Variants in CACNA1E observed in about 807,000 individuals in gnomAD.
CACNA1E encodes the protein voltage-dependent R-type calcium channel subunit alpha-1E.
A neutral mutation model predicts 259.2 loss-of-function variants in CACNA1E; 40 were observed. That is an observed-to-expected ratio of 0.15 (90% CI 0.12 to 0.20). The LOEUF is 0.20. CACNA1E is among the 10% of genes least tolerant of loss of function. The pLI, the probability that CACNA1E is intolerant of heterozygous loss-of-function variation, is 1.00. For missense variants in CACNA1E, 1,874 were observed against 3,040.1 expected (o/e 0.62, Z 9.02); for synonymous variants, 1,104 against 1,138.5 (o/e 0.97, Z 0.61).
intron 7 of CACNA1E, among the ~76,000 whole-genome samples, chr1:181,694,236 G>A (rs1204501899): frequency 6.6e-6 from 1 of 152,188 alleles, no homozygotes; most frequent in African/African-American, 2.4e-5. Flanking sequence ...TACTACATTA[G>A]CAGTAAAAGA....
intron 6 of CACNA1E, among the ~76,000 whole-genome samples, chr1:181,611,086 A>G (rs1346080908): frequency 6.6e-6 from 1 of 152,224 alleles, no homozygotes; most frequent in East Asian, 1.9e-4. Context: ...TCTGATACTA[A>G]TCCATTTCCA....
chr1:181,638,800 C>G (rs1657471391), intron 6 of CACNA1E, among the ~76,000 whole-genome samples: 1 of 152,126 alleles, frequency 6.6e-6, no homozygotes, highest in Non-Finnish European at 1.5e-5. Flanking sequence ...TTTGGTAGTT[C>G]CTCCTGCATT....
intron 6 of CACNA1E, among the ~76,000 whole-genome samples, chr1:181,623,477 T>C (rs963101222): frequency 1.3e-5 from 2 of 152,244 alleles, no homozygotes; most frequent in Non-Finnish European, 2.9e-5. Context: ...TAGAAATTAC[T>C]GTTAAATAAC....
At chr1:181,629,071 C>T (rs955498765) in intron 6 of CACNA1E, among the ~76,000 whole-genome samples, 3 of 152,176 alleles carry the variant, frequency 2.0e-5, no homozygotes, top group South Asian at 4.1e-4. Flanking sequence ...TGTGGTAGCA[C>T]GGAGTCCCTC....
rs887583461 is a variant in CACNA1E at position 181,485,913 on chromosome 1, G to A, written c.266+1903G>A. The stretch of plus-strand genomic sequence containing the variant: ...GTGGCAAAGTGTGCCAGCAGCCATC[G>A]TTGGCACCTCGGACAGCGCCGCTGA... On this transcript the variant is annotated intron_variant, in intron 1 of 47. Transcript: ENST00000367573. The surrounding 1 kb of genome is among the most constrained non-coding windows in gnomAD (Gnocchi z 4.2). 1.3e-5 allele frequency among the ~76,000 whole-genome samples: 2 copies of A among 152,240 alleles called. No homozygotes were observed. Among genetic ancestry groups the A allele is most frequent in the Non-Finnish European group, 1.5e-5 (1 of 68,040 alleles).
chr1:181,474,140 A>C (rs1175590568), intron 2 of CACNA1E, among the ~76,000 whole-genome samples: 1 of 101,598 alleles, frequency 9.8e-6, no homozygotes, highest in African/African-American at 5.6e-5. Context: ...AGATTATTTA[A>C]ACAAAGGAAA....
At chr1:181,498,699 A>G (rs921846940) in intron 1 of CACNA1E, among the ~76,000 whole-genome samples, 5 of 152,224 alleles carry the variant, frequency 3.3e-5, no homozygotes, top group African/African-American at 7.2e-5. Flanking sequence ...ACTGAAGGCC[A>G]TAGAGGTTAA....
chr1:181,776,790 T>TA lies in CACNA1E; in HGVS notation c.5267+563dup, dbSNP rs1660011783. ...TAGGAATTGGTGAAGATAACTTCTT[T>TA]ACTGTCTCTTTTGCTGTTTAGTAGT... On this transcript the variant is annotated intron_variant, in intron 38 of 47. Coordinates refer to ENST00000367573, the MANE Select transcript of CACNA1E (RefSeq NM_001205293.3). The surrounding 1 kb of genome is among the most constrained non-coding windows in gnomAD (Gnocchi z 4.4). Among the ~76,000 whole-genome samples, 1 of 152,242 alleles carries TA rather than the reference T, an allele frequency of 6.6e-6. No homozygotes were observed. Among genetic ancestry groups the TA allele is most frequent in the Admixed American group, 6.5e-5 (1 of 15,290 alleles).
chr1:181,522,613 C>G (rs1462227757), intron 3 of CACNA1E, among the ~76,000 whole-genome samples: 2 of 152,182 alleles, frequency 1.3e-5, no homozygotes, highest in Admixed American at 6.5e-5. Flanking sequence ...TTAATAACCA[C>G]TGTAAATATA....
At chr1:181,745,546 G>A (rs544485352) in intron 25 of CACNA1E, among the ~76,000 whole-genome samples, 1 of 152,100 alleles carries the variant, frequency 6.6e-6, no homozygotes, top group East Asian at 1.9e-4. Flanking sequence ...TGGATTAGTG[G>A]AAACTCCTCA....
chr1:181,750,570 G>C (rs1657506234), intron 26 of CACNA1E, 83 bp downstream of exon 26: 3 of 1,270,038 alleles, frequency 2.4e-6, no homozygotes, highest in Non-Finnish European at 3.4e-6. Context: ...GAGGGGAGGG[G>C]CTCACGCACT....
At chr1:181,432,269 G>A (rs1659769425) in intron 2 of CACNA1E, among the ~76,000 whole-genome samples, 1 of 152,110 alleles carries the variant, frequency 6.6e-6, no homozygotes, top group Non-Finnish European at 1.5e-5. Flanking sequence ...CCTGGAAATG[G>A]CTGAGTTTCC....
chr1:181,573,239 C>T (rs1291338498), intron 3 of CACNA1E, among the ~76,000 whole-genome samples: 3 of 152,158 alleles, frequency 2.0e-5, no homozygotes, highest in Non-Finnish European at 4.4e-5. Context: ...TTTGTCACTG[C>T]GGTGTTTCCC....
chr1:181,642,165 GA>G (rs1173702334), intron 6 of CACNA1E, among the ~76,000 whole-genome samples: 1 of 152,096 alleles, frequency 6.6e-6, no homozygotes, highest in African/African-American at 2.4e-5. Context: ...CCAATAAGTG[GA>G]GTACCTTTTG....
At chr1:181,620,422 C>T (rs1239355297) in intron 6 of CACNA1E, among the ~76,000 whole-genome samples, 1 of 152,190 alleles carries the variant, frequency 6.6e-6, no homozygotes, top group Non-Finnish European at 1.5e-5. Context: ...CATGGGCATA[C>T]ACGTGCAATT....
chr1:181,443,699 T>C (rs1425582673), intron 2 of CACNA1E, among the ~76,000 whole-genome samples: 1 of 152,188 alleles, frequency 6.6e-6, no homozygotes, highest in African/African-American at 2.4e-5. Flanking sequence ...ACAGATAAGG[T>C]AATACTGAGG....
intron 6 of CACNA1E, among the ~76,000 whole-genome samples, chr1:181,587,260 A>G (rs1652161093): frequency 6.6e-6 from 1 of 152,220 alleles, no homozygotes; most frequent in South Asian, 2.1e-4. Context: ...ATAGTTTTCC[A>G]GAAGACTGAG....
intron 1 of CACNA1E, among the ~76,000 whole-genome samples, chr1:181,398,835 C>T (rs1301743677): frequency 6.6e-6 from 1 of 152,230 alleles, no homozygotes; most frequent in Non-Finnish European, 1.5e-5. Context: ...CGAAAACCAA[C>T]ACCCCTTTGA....
intron 7 of CACNA1E, among the ~76,000 whole-genome samples, chr1:181,684,999 G>A (rs1200925134): frequency 3.4e-5 from 5 of 149,022 alleles, no homozygotes; most frequent in Non-Finnish European, 7.4e-5. Flanking sequence ...TTAATATATT[G>A]TAAAGACTGA....
Sources: gnomAD v4.1 joint callset for allele counts (sites outside exome capture counted in the v4.1 genomes callset) on GRCh38, gnomAD v4.1.1 for gene constraint, Gnocchi (gnomAD v3.1) non-coding constraint, MANE v1.5 for transcripts, NCBI Gene and HGNC (gene_info 2026-07-23, HGNC 2026-07-21) for gene names.